NLN: variants seen among roughly 807,000 people sequenced by gnomAD.
NLN encodes neurolysin, mitochondrial.
NLN carries 64 observed loss-of-function variants against 79.9 expected under a neutral mutation model. The ratio of observed to expected loss-of-function variants is 0.80; its 90% confidence interval spans 0.65 to 0.99. NLN has a LOEUF of 0.99. Among genes scored for constraint, NLN ranks in the 50% least tolerant of loss-of-function variants. The probability of loss-of-function intolerance (pLI) is 0.00; values close to 1 mark genes in which losing one functional copy is unlikely to be tolerated. For synonymous variants in NLN, 267 were observed against 296.6 expected (o/e 0.90, Z 1.02); for missense variants, 835 against 858.7 (o/e 0.97, Z 0.34).
In NLN at chr5:65,774,289, A is replaced by G. The variant is rs543679222; in HGVS notation, c.451-3138A>G. 1.1e-4 allele frequency among the ~76,000 whole-genome samples: 17 copies of G among 152,278 alleles called. No individual in the cohort carries two copies. The South Asian group carries it at 3.3e-3, about 30-fold the overall frequency. ...AAATAAGGTTCCATACTGTCAGATC[A>G]TATAAATTTAAAAATCACTTCTAAG... On this transcript the variant is annotated intron_variant, in intron 3 of 12. Coordinates refer to ENST00000380985, the MANE Select transcript of NLN (RefSeq NM_020726.5).
At chr5:65,742,381 A>T (rs1300150881) in intron 1 of NLN, among the ~76,000 whole-genome samples, 2 of 152,170 alleles carry the variant, frequency 1.3e-5, no homozygotes, top group Non-Finnish European at 2.9e-5. Flanking sequence ...TGAAGTTGTA[A>T]TGATCATTCT....
intron 1 of NLN, among the ~76,000 whole-genome samples, chr5:65,736,959 G>A (rs1199049655): frequency 6.6e-6 from 1 of 151,962 alleles, no homozygotes; most frequent in Non-Finnish European, 1.5e-5. Flanking sequence ...AAAAAAATTA[G>A]CTGGGCATAG....
At position 65,737,222 on chromosome 5, in the gene NLN, C is replaced by T. The variant is rs1010931507; in HGVS notation, c.41+14808C>T. 2.6e-4 allele frequency among the ~76,000 whole-genome samples: 39 copies of T among 152,272 alleles called. 1 individual carries two copies. The highest frequency in any genetic ancestry group is 8.7e-4 in the African/African-American group (36 of 41,568). On this transcript the variant is annotated intron_variant, in intron 1 of 12. Transcript: ENST00000380985. The stretch of plus-strand genomic sequence containing the variant: ...ACAGCTGTGGATAAGACAGAAACTG[C>T]TCCTGCCCTCATGGGTTTATCCCCT...
chr5:65,758,664 G>A lies in NLN; in HGVS notation c.139G>A (p.Val47Ile), dbSNP rs1055071742. The change falls in exon 2 of 13, where the codon GTT becomes ATT. Residue 47 changes from valine to isoleucine, a missense_variant. By Grantham distance (29) the Val-to-Ile change is conservative. Transcript: ENST00000380985. Reference sequence around the variant, plus strand: ...TTCCTATACTGTGGCTGGCAGAAATGTTTTAAGATGGGATCTTTCACCAGA... The same window carrying A: ...TTCCTATACTGTGGCTGGCAGAAATATTTTAAGATGGGATCTTTCACCAGA... The part of the protein sequence containing the change: ...MSSYTVAGRN[V>I]LRWDLSPEQI... 2 of 1,613,792 alleles carry A rather than the reference G, an allele frequency of 1.2e-6. No homozygotes were observed. Among genetic ancestry groups the A allele is most frequent in the Non-Finnish European group, 1.7e-6 (2 of 1,179,818 alleles).
chr5:65,781,821 T>C (rs532886698), intron 6 of NLN, among the ~76,000 whole-genome samples: 2 of 152,308 alleles, frequency 1.3e-5, no homozygotes, highest in East Asian at 3.9e-4. Flanking sequence ...CCTTTTTTCC[T>C]TACATAGGAC....
intron 6 of NLN, among the ~76,000 whole-genome samples, chr5:65,781,807 G>A (rs1759805839): frequency 6.6e-6 from 1 of 152,148 alleles, no homozygotes; most frequent in African/African-American, 2.4e-5. Context: ...GTAACCATGA[G>A]GACCCTTTTT....
At chr5:65,818,572 C>G (rs1760724459) in intron 12 of NLN, 1 of 152,254 alleles carries the variant, frequency 6.6e-6, no homozygotes, top group Non-Finnish European at 1.5e-5. Flanking sequence ...TTTTTTCTCT[C>G]CCTCCTTTGT....
chr5:65,755,419 G>A (rs563054120), intron 1 of NLN, among the ~76,000 whole-genome samples: 12 of 152,234 alleles, frequency 7.9e-5, no homozygotes, highest in Admixed American at 2.0e-4. Context: ...TGGAACATGC[G>A]TATAAGGAAA....
intron 2 of NLN, among the ~76,000 whole-genome samples, chr5:65,759,071 C>T (rs1759284410): frequency 6.6e-6 from 1 of 152,128 alleles, no homozygotes; most frequent in Non-Finnish European, 1.5e-5. Context: ...GACATTCATA[C>T]CCTTGCTCAT....
intron 9 of NLN, 72 bp from the exon 10 acceptor site, chr5:65,809,443 T>C (rs1760491720): frequency 7.6e-7 from 1 of 1,317,694 alleles, no homozygotes; most frequent in Non-Finnish European, 1.1e-6. Flanking sequence ...TTTTCGTGAC[T>C]CTTAATAATT....
chr5:65,763,134 A>C, intron 3 of NLN, 26 bp downstream of exon 3: 1 of 1,592,182 alleles, frequency 6.3e-7, no homozygotes, highest in African/African-American at 1.3e-5. Flanking sequence ...AATCCCTTTA[A>C]AGAGGGAAAA....
At chr5:65,778,963 G>A (rs1460761520) in intron 4 of NLN, among the ~76,000 whole-genome samples, 1 of 152,118 alleles carries the variant, frequency 6.6e-6, no homozygotes, top group Non-Finnish European at 1.5e-5. Flanking sequence ...GGGCAATGGG[G>A]GTGGAAGGAT....
intron 1 of NLN, among the ~76,000 whole-genome samples, chr5:65,723,827 A>AAAAAAAAAAAAAAAAAAAAAAAAC (rs1758388159): frequency 6.8e-6 from 1 of 146,196 alleles, no homozygotes; most frequent in Non-Finnish European, 1.5e-5. Context: ...AAAAAAAAAA[A>AAAAAAAAAAAAAAAAAAAAAAAAC]AAAAAAAAAG....
At chr5:65,759,400 C>G (rs199685738) in intron 2 of NLN, among the ~76,000 whole-genome samples, 4 of 147,926 alleles carry the variant, frequency 2.7e-5, no homozygotes, top group Non-Finnish European at 4.4e-5. Context: ...GTGTGTGTGT[C>G]TGTGTGTGTG....
chr5:65,810,433 G>C (rs114721777), intron 11 of NLN, among the ~76,000 whole-genome samples: 1 of 152,194 alleles, frequency 6.6e-6, no homozygotes, highest in African/African-American at 2.4e-5. Flanking sequence ...AGAGCCATTC[G>C]TGTTGGCAGC....
chr5:65,782,102 A>G lies in NLN; in HGVS notation c.822+681A>G, dbSNP rs980661000. On this transcript the variant is annotated intron_variant, in intron 6 of 12. Transcript: ENST00000380985. ...ATTTTCTAAAATTTTCAAATTCCTC[A>G]GGAACTGGGAAGATTCTGTACTATG... Among the ~76,000 whole-genome samples the G allele has an allele frequency of 5.3e-5, 8 of 152,370 alleles. No individual in the cohort carries two copies. In the East Asian group the frequency reaches 1.5e-3, roughly 29 times the overall value.
chr5:65,793,952 T>G (rs2707782), intron 9 of NLN, among the ~76,000 whole-genome samples: 42,460 of 152,130 alleles, frequency 0.28, 6,941 homozygotes, highest in Non-Finnish European at 0.37. Context: ...TTTACTAGTT[T>G]TCCTTAATGG....
At chr5:65,753,311 A>C (rs1008739925) in intron 1 of NLN, among the ~76,000 whole-genome samples, 1 of 152,196 alleles carries the variant, frequency 6.6e-6, no homozygotes, top group African/African-American at 2.4e-5. Flanking sequence ...AAAACCAACG[A>C]AGGTCATCTT....
intron 1 of NLN, among the ~76,000 whole-genome samples, chr5:65,737,207 A>G (rs749740970): frequency 6.6e-6 from 1 of 152,216 alleles, no homozygotes; most frequent in Non-Finnish European, 1.5e-5. Flanking sequence ...ACAGCTGTGG[A>G]TAAGACAGAA....
Sources: gnomAD v4.1 joint callset for allele counts (sites outside exome capture counted in the v4.1 genomes callset) on GRCh38, gnomAD v4.1.1 for gene constraint, MANE v1.5 for transcripts, NCBI Gene and HGNC (gene_info 2026-07-23, HGNC 2026-07-21) for gene names.